MAP3K15: variants seen among roughly 807,000 people sequenced by gnomAD.
The protein encoded by MAP3K15 is MAPK/ERK kinase kinase 15.
In MAP3K15, 124 loss-of-function variants were observed where a neutral mutation model predicts 99.5. The observed-to-expected ratio is 1.25, with a 90% CI of 1.08 to 1.45. The LOEUF is 1.45. MAP3K15 is among the 40% of genes most tolerant of loss of function. The pLI is 0.00. For synonymous variants in MAP3K15, 494 were observed against 439.6 expected, an observed-to-expected ratio of 1.12 and a Z score of -1.55; for missense variants, 1,242 against 1,079.7, an observed-to-expected ratio of 1.15 and a Z score of -2.11.
intron 2 of MAP3K15, among the ~76,000 whole-genome samples, chrX:19,488,230 A>G (rs996313431): frequency 8.9e-6 from 1 of 112,201 alleles, no homozygotes; most frequent in African/African-American, 3.2e-5. Context: ...AAAAAATACT[A>G]TGTTACCCAA....
chrX:19,436,387 C>CAGG (rs1460540091), intron 6 of MAP3K15, among the ~76,000 whole-genome samples: 1 of 110,498 alleles, frequency 9.0e-6, no homozygotes, highest in African/African-American at 3.3e-5. Context: ...ATCTGATTTG[C>CAGG]AGGACACCAC....
intron 6 of MAP3K15, among the ~76,000 whole-genome samples, chrX:19,433,225 C>T (rs767856768): frequency 1.8e-5 from 2 of 110,740 alleles, no homozygotes; most frequent in Non-Finnish European, 1.9e-5. Flanking sequence ...CTTGACTGGG[C>T]TAAGGAAGAC....
intron 6 of MAP3K15, among the ~76,000 whole-genome samples, chrX:19,432,275 CAT>C (rs939753521): frequency 4.5e-5 from 5 of 110,862 alleles, no homozygotes; most frequent in African/African-American, 1.6e-4. Flanking sequence ...CACTATAAAA[CAT>C]ATGAGGCTGG....
chrX:19,446,229 C>T (rs888282514), intron 6 of MAP3K15, among the ~76,000 whole-genome samples: 4 of 111,745 alleles, frequency 3.6e-5, no homozygotes, highest in African/African-American at 9.7e-5. Flanking sequence ...GGAACGGTGA[C>T]GTAATTGAGT....
chrX:19,371,141 G>A (rs557957228), intron 23 of MAP3K15, 77 bp from the exon 24 acceptor site: 7 of 862,103 alleles, frequency 8.1e-6, no homozygotes, highest in African/African-American at 6.3e-5. Context: ...GGAGAATCAC[G>A]GCAACCTACA....
chrX:19,399,938 G>A (rs2063596754), intron 14 of MAP3K15, among the ~76,000 whole-genome samples: 1 of 110,529 alleles, frequency 9.0e-6, no homozygotes, highest in South Asian at 3.8e-4. Context: ...AATTCTAGTA[G>A]TTAACTCAAT....
At chrX:19,404,019 G>A (rs764514675) in intron 13 of MAP3K15, among the ~76,000 whole-genome samples, 48 of 111,503 alleles carry the variant, frequency 4.3e-4, no homozygotes, top group African/African-American at 1.5e-3. Context: ...GGAGAGTCTA[G>A]CTAGGATAAT....
At chrX:19,486,612 A>G (rs2064327705) in intron 2 of MAP3K15, 107 bp from the exon 3 acceptor site, 1 of 330,731 alleles carries the variant, frequency 3.0e-6, no homozygotes, top group Non-Finnish European at 5.0e-6. Flanking sequence ...TGTAAGAATT[A>G]ATCACATAAA....
rs1172350617 is a variant in MAP3K15 at position 19,366,006 on chromosome X, C to CAAA, written c.3566+3045_3566+3047dup. On this transcript the variant is annotated intron_variant, in intron 25 of 28. Transcript: ENST00000338883. ...TGGATGATAGAGCGAGCCTCCATCTCAAAAAAAAAAAAAAAAAAAAAAAAA... is the reference window on the plus strand; with the variant it reads ...TGGATGATAGAGCGAGCCTCCATCTCAAAAAAAAAAAAAAAAAAAAAAAAAAAA... Among the ~76,000 whole-genome samples the CAAA allele has an allele frequency of 4.0e-3, 81 of 20,034 alleles. 3 individuals are homozygous for CAAA. The highest frequency in any genetic ancestry group is 6.0e-3 in the African/African-American group (57 of 9,512). 17.4% of individuals were successfully genotyped at this position (20,034 alleles called of 115,157 possible).
At chrX:19,419,658 G>A (rs189698735) in intron 9 of MAP3K15, among the ~76,000 whole-genome samples, 3,578 of 111,028 alleles carry the variant, frequency 0.032, 60 homozygotes, top group Middle Eastern at 0.078. Context: ...AGGATATCCA[G>A]GAATTGAACT....
intron 1 of MAP3K15, among the ~76,000 whole-genome samples, chrX:19,493,565 C>T (rs1199646723): frequency 9.0e-6 from 1 of 111,101 alleles, no homozygotes; most frequent in African/African-American, 3.3e-5. Context: ...TAATAAAACA[C>T]CAGATTGGAA....
At position 19,360,786 on chromosome X, in the gene MAP3K15, C is replaced by T. The variant is rs61744590; in HGVS notation, c.3905G>A (p.Arg1302Lys). The change falls in exon 29 of 29, where the codon AGG becomes AAG. Residue 1302 changes from arginine to lysine, a missense_variant. Physicochemically the swap from Arg to Lys is conservative, Grantham distance 26. Coordinates refer to ENST00000338883, the MANE Select transcript of MAP3K15 (RefSeq NM_001001671.4). ...TTTGGTTTCTGAGGCCTCCTGAGCC[C>T]TTCTGTACTGGGAGACCGCACTCCA... ...RLWSAVSQYR[R>K]AQEASETKDK... The T allele has an allele frequency of 2.8e-5, 34 of 1,208,382 alleles. No individual in the cohort carries two copies. Among genetic ancestry groups the T allele is most frequent in the African/African-American group, 3.5e-5 (2 of 57,123 alleles).
At chrX:19,405,566 C>G (rs1463312932) in intron 13 of MAP3K15, among the ~76,000 whole-genome samples, 1 of 112,100 alleles carries the variant, frequency 8.9e-6, no homozygotes, top group East Asian at 2.8e-4. Context: ...GAGGAAAAAC[C>G]TTTTGTTTTG....
At chrX:19,509,451 G>A (rs1055800260) in intron 1 of MAP3K15, among the ~76,000 whole-genome samples, 2 of 111,812 alleles carry the variant, frequency 1.8e-5, no homozygotes, top group African/African-American at 3.2e-5. Context: ...ACTCAAAACC[G>A]CACAACTACG....
intron 1 of MAP3K15, among the ~76,000 whole-genome samples, chrX:19,507,557 G>GAGAGTGAC (rs2064486031): frequency 1.4e-5 from 1 of 73,324 alleles, no homozygotes; most frequent in South Asian, 1.2e-3. Flanking sequence ...CAGCCTGGGT[G>GAGAGTGAC]AGAGTGACAC....
chrX:19,474,244 T>C (rs2064225457), intron 3 of MAP3K15, among the ~76,000 whole-genome samples: 1 of 111,496 alleles, frequency 9.0e-6, no homozygotes, highest in African/African-American at 3.3e-5. Flanking sequence ...AGAAATACTT[T>C]ATCAATATAG....
Position 19,398,364 on chromosome X carries a change from A to G in MAP3K15, c.1933-5T>C, listed in dbSNP as rs2063583770. The G allele has an allele frequency of 8.3e-7, 1 of 1,208,914 alleles. No homozygotes were observed. Among genetic ancestry groups the G allele is most frequent in the South Asian group, 1.8e-5 (1 of 56,544 alleles). On this transcript the variant is annotated splice_region_variant and splice_polypyrimidine_tract_variant and intron_variant, in intron 14 of 28. Transcript: ENST00000338883. ...TGCATCATGGTCATACTCATACTGAAGAAGGAAAAACAAAAGGACAAAAAA... is the reference window on the plus strand; with the variant it reads ...TGCATCATGGTCATACTCATACTGAGGAAGGAAAAACAAAAGGACAAAAAA...
intron 9 of MAP3K15, among the ~76,000 whole-genome samples, chrX:19,423,658 A>G (rs764256769): frequency 3.7e-4 from 41 of 111,455 alleles, no homozygotes; most frequent in Middle Eastern, 4.6e-3. Context: ...TGTTGTCCCA[A>G]CTCCACACAT....
At chrX:19,362,394 A>G (rs778743682) in intron 26 of MAP3K15, among the ~76,000 whole-genome samples, 1 of 109,210 alleles carries the variant, frequency 9.2e-6, no homozygotes, top group African/African-American at 3.3e-5. Context: ...CACCAAGCCC[A>G]GCTGGTTTTT....
Sources: allele counts gnomAD v4.1 joint callset (sites outside exome capture counted in the v4.1 genomes callset), GRCh38; gene constraint gnomAD v4.1.1; transcripts MANE v1.5; gene names NCBI Gene and HGNC (gene_info 2026-07-23, HGNC 2026-07-21).